The following AJAP1 variants were observed in gnomAD, a reference collection of about 807,000 sequenced individuals.
AJAP1 encodes the protein adherens junctions associated protein 1, also known as adherens junction-associated protein 1.
Under a neutral mutation model 35.0 loss-of-function variants are expected in AJAP1, and 5 were observed. The observed-to-expected ratio is 0.14, with a 90% CI of 0.07 to 0.30. AJAP1 has a LOEUF of 0.30. Ranked by LOEUF, AJAP1 falls within the 10% of genes least tolerant of loss-of-function variation. AJAP1 has a pLI of 1.00. For synonymous variants in AJAP1, 284 were observed against 249.3 expected, an observed-to-expected ratio of 1.14 and a Z score of -1.31; for missense variants, 586 against 571.0, an observed-to-expected ratio of 1.03 and a Z score of -0.27.
At chr1:4,760,734 C>CT (rs1375727675) in intron 2 of AJAP1, among the ~76,000 whole-genome samples, 1 of 152,218 alleles carries the variant, frequency 6.6e-6, no homozygotes, top group Non-Finnish European at 1.5e-5. Context: ...AGCAATGTGT[C>CT]TAAGCGTTTC....
Position 4,655,378 on chromosome 1 carries a change from A to T in AJAP1, c.-48A>T. On this transcript the variant is annotated 5_prime_UTR_variant, in exon 1 of 6. It removes an upstream start codon present in the reference 5' UTR. Coordinates refer to ENST00000378191, the MANE Select transcript of AJAP1 (RefSeq NM_018836.4). The surrounding 1 kb of genome is among the most constrained non-coding windows in gnomAD (Gnocchi z 6.9). Reference sequence around the variant, plus strand: ...GCGAGCGGGCGCGGGCGCCGCGCAGATGGCCTGGGCGAGCCAGGTCTGAGG... The same window carrying T: ...GCGAGCGGGCGCGGGCGCCGCGCAGTTGGCCTGGGCGAGCCAGGTCTGAGG... The T allele has an allele frequency of 6.6e-7, 1 of 1,511,428 alleles. No homozygotes were observed. Among genetic ancestry groups the T allele is most frequent in the Non-Finnish European group, 8.9e-7 (1 of 1,126,188 alleles). The allele number at this position is 1,511,428 out of a possible 1,614,324, so 93.6% of individuals were successfully genotyped here.
In AJAP1 at chr1:4,692,097, G is replaced by A. The variant is rs1395666690; in HGVS notation, c.30-19803G>A. Among the ~76,000 whole-genome samples, 1 of 152,228 alleles carries A rather than the reference G, an allele frequency of 6.6e-6. No homozygotes were observed. The highest frequency in any genetic ancestry group is 1.9e-4 in the East Asian group (1 of 5,154). On this transcript the variant is annotated intron_variant, in intron 1 of 5. Transcript: ENST00000378191. This position sits in a 1 kb window ranked among gnomAD's most constrained non-coding sequence, Gnocchi z 4.4. ...TTCCGGGAATGGCAGGTGGCATGGC[G>A]CCCGGCCGGCCCTGCGTGGATCTAT...
chr1:4,685,179 A>G (rs767067755), intron 1 of AJAP1, among the ~76,000 whole-genome samples: 17 of 152,190 alleles, frequency 1.1e-4, no homozygotes, highest in Non-Finnish European at 2.4e-4. Flanking sequence ...TGTGTCCACA[A>G]CCAGGAGCTG....
chr1:4,681,392 C>A (rs1639479869), intron 1 of AJAP1, among the ~76,000 whole-genome samples: 1 of 152,180 alleles, frequency 6.6e-6, no homozygotes, highest in Non-Finnish European at 1.5e-5. Flanking sequence ...CAGAGTGAGG[C>A]AGGGGCTGCC....
intron 1 of AJAP1, among the ~76,000 whole-genome samples, chr1:4,686,054 T>A (rs1160539849): frequency 1.3e-5 from 2 of 152,218 alleles, no homozygotes; most frequent in East Asian, 3.8e-4. Flanking sequence ...AGCTGTTTCT[T>A]CTCCTCGGAG....
chr1:4,668,272 G>A (rs1639178998), intron 1 of AJAP1, among the ~76,000 whole-genome samples: 1 of 151,842 alleles, frequency 6.6e-6, no homozygotes, highest in Non-Finnish European at 1.5e-5. Context: ...GGCCAATCCT[G>A]TGTATTTGAA....
intron 1 of AJAP1, among the ~76,000 whole-genome samples, chr1:4,679,311 G>A (rs1639425701): frequency 6.6e-6 from 1 of 152,124 alleles, no homozygotes; most frequent in Admixed American, 6.5e-5. Flanking sequence ...AGGGCAGTGG[G>A]TTTTGTCCCA....
intron 1 of AJAP1, among the ~76,000 whole-genome samples, chr1:4,706,792 T>C (rs914537161): frequency 1.3e-5 from 2 of 152,176 alleles, no homozygotes; most frequent in Admixed American, 1.3e-4. Flanking sequence ...AGGTAGTGAA[T>C]TGAATCTCAA....
intron 1 of AJAP1, among the ~76,000 whole-genome samples, chr1:4,708,381 C>A (rs1192002172): frequency 1.3e-5 from 2 of 152,162 alleles, no homozygotes; most frequent in African/African-American, 2.4e-5. Flanking sequence ...GGCAGCCATG[C>A]CACAGGGCCT....
intron 4 of AJAP1, among the ~76,000 whole-genome samples, chr1:4,774,172 A>G (rs1433782491): frequency 6.6e-6 from 1 of 152,222 alleles, no homozygotes; most frequent in African/African-American, 2.4e-5. Context: ...CGGCCTGTGC[A>G]GCAAAGTGCT....
intron 1 of AJAP1, among the ~76,000 whole-genome samples, chr1:4,671,980 G>A (rs1373040508): frequency 6.6e-6 from 1 of 152,114 alleles, no homozygotes; most frequent in East Asian, 1.9e-4. Flanking sequence ...TATCTCACAG[G>A]GCCCTGCAGA....
chr1:4,664,019 T>A (rs1482240346), intron 1 of AJAP1, among the ~76,000 whole-genome samples: 1 of 152,186 alleles, frequency 6.6e-6, no homozygotes, highest in Non-Finnish European at 1.5e-5. Flanking sequence ...ACACTTACTA[T>A]GTAGCAGGCA....
rs1211202516 is a variant in AJAP1, at chr1:4,792,513, A to G, written c.*10028A>G. ...TGATGTTGCTATTAAAAAAAAAAAC[A>G]TAATATGAAAAAAAAAAAAAAGAAG... On this transcript the variant is annotated 3_prime_UTR_variant, in exon 6 of 6. Transcript: ENST00000378191. The G allele has an allele frequency of 7.9e-6, 1 of 126,994 alleles. No individual in the cohort carries two copies. The highest frequency in any genetic ancestry group is 1.7e-5 in the Non-Finnish European group (1 of 60,004). 7.9% of individuals were successfully genotyped at this position (126,994 alleles called of 1,614,324 possible). A position where few individuals can be genotyped will look rare whatever the true frequency, so the allele number is the denominator to read the frequency against.
chr1:4,688,883 G>A (rs1408678665), intron 1 of AJAP1, among the ~76,000 whole-genome samples: 7 of 151,882 alleles, frequency 4.6e-5, no homozygotes, highest in African/African-American at 1.7e-4. Context: ...ACAGGAGGAC[G>A]CTGAGCCCAT....
At chr1:4,681,666 C>G (rs1639486233) in intron 1 of AJAP1, among the ~76,000 whole-genome samples, 1 of 152,206 alleles carries the variant, frequency 6.6e-6, no homozygotes, top group Non-Finnish European at 1.5e-5. Flanking sequence ...AAGCCTCACT[C>G]CCATCAGAGG....
At chr1:4,667,292 GC>G (rs1382399833) in intron 1 of AJAP1, among the ~76,000 whole-genome samples, 1 of 152,136 alleles carries the variant, frequency 6.6e-6, no homozygotes, top group Non-Finnish European at 1.5e-5. Context: ...GGTGTGACAG[GC>G]CCTGACGACC....
At chr1:4,690,063 T>A (rs962165846) in intron 1 of AJAP1, among the ~76,000 whole-genome samples, 3 of 151,986 alleles carry the variant, frequency 2.0e-5, no homozygotes, top group African/African-American at 7.2e-5. Flanking sequence ...CAACGATGGA[T>A]GCATTTCCCA....
Position 4,712,367 on chromosome 1 carries a change from G to T in AJAP1, c.497G>T (p.Ser166Ile). The T allele has an allele frequency of 6.5e-7, 1 of 1,528,918 alleles. No individual in the cohort carries two copies. Among genetic ancestry groups the T allele is most frequent in the Non-Finnish European group, 8.8e-7 (1 of 1,135,862 alleles). 94.7% of individuals were successfully genotyped at this position (1,528,918 alleles called of 1,614,324 possible). A position where few individuals can be genotyped will look rare whatever the true frequency, so the allele number is the denominator to read the frequency against. Residue 166 changes from serine (S) to isoleucine (I), a missense_variant, in exon 2 of 6, where the codon AGC becomes ATC. Ser to Ile is a moderately radical substitution (Grantham distance 142). Transcript: ENST00000378191. ...KRHLQGDGLS[S>I]FDSRGSRPTT... is the part of the protein sequence containing the mutation. ...CACCTGCAGGGGGACGGTCTCAGCA[G>T]CTTCGACTCCAGAGGCAGCCGGCCC...
chr1:4,760,568 A>G (rs2100345901), intron 2 of AJAP1, among the ~76,000 whole-genome samples: 1 of 152,290 alleles, frequency 6.6e-6, no homozygotes, highest in Non-Finnish European at 1.5e-5. Context: ...CCCAGGGTCC[A>G]TGGCTGGGGA....
Sources: gnomAD v4.1 joint callset for allele counts (sites outside exome capture counted in the v4.1 genomes callset) on GRCh38, gnomAD v4.1.1 for gene constraint, Gnocchi (gnomAD v3.1) non-coding constraint, MANE v1.5 for transcripts, NCBI Gene and HGNC (gene_info 2026-07-23, HGNC 2026-07-21) for gene names.